Variants in REPS1 observed in about 807,000 individuals in gnomAD.
REPS1 encodes ralBP1-associated Eps domain-containing protein 1.
Under a neutral mutation model 100.9 loss-of-function variants are expected in REPS1, and 39 were observed. The ratio of observed to expected loss-of-function variants is 0.39; its 90% CI spans 0.30 to 0.50. The LOEUF is 0.50. REPS1 is among the 20% of genes least tolerant of loss of function. The pLI, the probability that REPS1 is intolerant of heterozygous loss-of-function variation, is 0.86. For missense variants in REPS1, 821 were observed against 968.5 expected (o/e 0.85, Z 2.02); for synonymous variants, 324 against 340.3 (o/e 0.95, Z 0.53).
rs1554292163 is a variant in REPS1, at chr6:138,947,035, G to GCGCTCTCT, written c.277+754_277+755insAGAGAGCG. ...TAAATGTCTGTGGCTATTCCCCCTT[G>GCGCTCTCT]CTCTCTCTCTCTCTCTCTCTCTCTC... is the stretch of plus-strand genomic sequence containing the variant. On this transcript the variant is annotated intron_variant, in intron 2 of 19. Coordinates refer to ENST00000450536, the MANE Select transcript of REPS1 (RefSeq NM_001286611.2). Among the ~76,000 whole-genome samples the GCGCTCTCT allele has an allele frequency of 5.8e-5, 8 of 137,718 alleles. No homozygotes were observed. The South Asian group carries it at 1.5e-3, about 26-fold the overall frequency. The allele number at this position is 137,718 out of a possible 152,430, so 90.3% of individuals were successfully genotyped here. A position where few individuals can be genotyped will look rare whatever the true frequency, so the allele number is the denominator to read the frequency against.
intron 1 of REPS1, among the ~76,000 whole-genome samples, chr6:138,979,198 C>CAAAAAAAAAAAAAAAAAAAAAAAA (rs1277794755): frequency 3.3e-5 from 3 of 91,798 alleles, no homozygotes; most frequent in Non-Finnish European, 6.0e-5. Context: ...AAAAAAAAAA[C>CAAAAAAAAAAAAAAAAAAAAAAAA]AAAAAAAAAA....
At chr6:138,978,510 A>G (rs1019284196) in intron 1 of REPS1, among the ~76,000 whole-genome samples, 6 of 150,468 alleles carry the variant, frequency 4.0e-5, no homozygotes, top group Non-Finnish European at 8.9e-5. Flanking sequence ...GGGTCTCCCT[A>G]TGTTGCCCAG....
chr6:138,925,484 T>A (rs1273189471), intron 10 of REPS1, among the ~76,000 whole-genome samples: 2 of 152,222 alleles, frequency 1.3e-5, no homozygotes, highest in African/African-American at 4.8e-5. Flanking sequence ...TTTTTACATT[T>A]AATTAATAAA....
In REPS1 at chr6:138,958,497, C is replaced by T. The variant is rs952780245; in HGVS notation, c.154-10584G>A. On this transcript the variant is annotated intron_variant, in intron 1 of 19. Coordinates refer to ENST00000450536, the MANE Select transcript of REPS1 (RefSeq NM_001286611.2). ...ACCTGTCCTCTAAGTTACCTCCCCT[C>T]GCCCCCCACTCCCCAACAGGCCTGG... Among the ~76,000 whole-genome samples the T allele has an allele frequency of 6.6e-5, 7 of 105,310 alleles. No individual in the cohort carries two copies. The East Asian group carries it at 2.4e-3, about 36-fold the overall frequency. 69.1% of individuals were successfully genotyped at this position (105,310 alleles called of 152,430 possible).
chr6:138,907,461 A>C (rs1297052762), intron 19 of REPS1, 34 bp downstream of exon 19: 1 of 1,453,146 alleles, frequency 6.9e-7, no homozygotes. Context: ...TTACTAAGAT[A>C]AGGAACATTA....
chr6:138,926,292 T>G, intron 10 of REPS1, 109 bp downstream of exon 10: 1 of 716,774 alleles, frequency 1.4e-6, no homozygotes, highest in Non-Finnish European at 2.3e-6. Flanking sequence ...TGCCGCCACT[T>G]CCCTCTAAGC....
intron 1 of REPS1, among the ~76,000 whole-genome samples, chr6:138,951,987 T>A (rs1783068443): frequency 6.6e-6 from 1 of 152,188 alleles, no homozygotes; most frequent in Non-Finnish European, 1.5e-5. Flanking sequence ...AGGATATAGA[T>A]TCCCGAACTG....
At chr6:138,979,215 A>AAAACT (rs1784793469) in intron 1 of REPS1, among the ~76,000 whole-genome samples, 1 of 150,008 alleles carries the variant, frequency 6.7e-6, no homozygotes, top group African/African-American at 2.5e-5. Context: ...AAAAAACTGA[A>AAAACT]GAAGTATCCC....
intron 1 of REPS1, among the ~76,000 whole-genome samples, chr6:138,948,567 T>G (rs1021754308): frequency 3.9e-5 from 6 of 152,210 alleles, no homozygotes; most frequent in Admixed American, 6.5e-5. Flanking sequence ...CAACAAGTAT[T>G]TCTAGACTTG....
At chr6:138,951,411 A>G (rs1783031579) in intron 1 of REPS1, among the ~76,000 whole-genome samples, 1 of 152,156 alleles carries the variant, frequency 6.6e-6, no homozygotes, top group Admixed American at 6.5e-5. Context: ...GATATAAGTA[A>G]GTATATTAAC....
intron 1 of REPS1, among the ~76,000 whole-genome samples, chr6:138,958,985 G>GA (rs754722922): frequency 1.1e-4 from 17 of 152,060 alleles, no homozygotes; most frequent in East Asian, 3.9e-4. Flanking sequence ...TTTTACAGAG[G>GA]AAAAAAGAGA....
At chr6:138,983,873 A>G (rs1357071610) in intron 1 of REPS1, among the ~76,000 whole-genome samples, 1 of 152,160 alleles carries the variant, frequency 6.6e-6, no homozygotes, top group Non-Finnish European at 1.5e-5. Flanking sequence ...ACTGTCTCCA[A>G]GAGATCTGAA....
chr6:138,973,090 T>C (rs749636693), intron 1 of REPS1, among the ~76,000 whole-genome samples: 7 of 152,146 alleles, frequency 4.6e-5, no homozygotes, highest in Non-Finnish European at 8.8e-5. Context: ...GGGAAACAGA[T>C]ACACAGGAAG....
At position 138,930,113 on chromosome 6, in the gene REPS1, T is replaced by C. The variant is rs771980961; in HGVS notation, c.1136-15A>G. 3 of 1,610,766 alleles carry C rather than the reference T, an allele frequency of 1.9e-6. No homozygotes were observed. The highest frequency in any genetic ancestry group is 2.5e-6 in the Non-Finnish European group (3 of 1,177,556). Reference sequence around the variant, plus strand: ...ATCCCCAACATCTGCAATTTAAAAATAGAGAAATTCTCTATAAAGACTACA... The same window carrying C: ...ATCCCCAACATCTGCAATTTAAAAACAGAGAAATTCTCTATAAAGACTACA... On this transcript the variant is annotated splice_polypyrimidine_tract_variant and intron_variant, in intron 8 of 19. Transcript: ENST00000450536.
intron 8 of REPS1, chr6:138,934,307 ACAT>A (rs1781665868): frequency 2.1e-6 from 1 of 470,832 alleles, no homozygotes; most frequent in Non-Finnish European, 4.4e-6. Context: ...TCTGCCCCTG[ACAT>A]CATCAGAGCA....
chr6:138,943,665 G>C, intron 6 of REPS1, 89 bp from the exon 7 acceptor site: 2 of 1,103,834 alleles, frequency 1.8e-6, no homozygotes, highest in Non-Finnish European at 2.6e-6. Context: ...TTTTAACTGG[G>C]AAAAGATATT....
chr6:138,933,743 T>C (rs1372420583), intron 8 of REPS1, among the ~76,000 whole-genome samples: 1 of 152,192 alleles, frequency 6.6e-6, no homozygotes, highest in Non-Finnish European at 1.5e-5. Flanking sequence ...TTTATGCCAA[T>C]AGGTAATGGA....
chr6:138,982,600 A>G (rs1239504465), intron 1 of REPS1, among the ~76,000 whole-genome samples: 3 of 152,210 alleles, frequency 2.0e-5, no homozygotes, highest in Non-Finnish European at 4.4e-5. Context: ...AAGCCACAAC[A>G]CTGAATATTT....
chr6:138,937,244 T>C (rs1781907996), intron 8 of REPS1, among the ~76,000 whole-genome samples: 1 of 152,094 alleles, frequency 6.6e-6, no homozygotes, highest in Non-Finnish European at 1.5e-5. Context: ...AAGATGAGAT[T>C]TGGGTGGGGA....
Sources: allele counts gnomAD v4.1 joint callset (sites outside exome capture counted in the v4.1 genomes callset), GRCh38; gene constraint gnomAD v4.1.1; transcripts MANE v1.5; gene names NCBI Gene and HGNC (gene_info 2026-07-23, HGNC 2026-07-21).